Variants in HERC1 observed in about 807,000 individuals in gnomAD.
The protein encoded by HERC1 is HECT and RLD domain containing E3 ubiquitin protein ligase family member 1.
A neutral mutation model predicts 554.3 loss-of-function variants in HERC1; 160 were observed. That is an observed-to-expected ratio of 0.29 (90% CI 0.25 to 0.33). HERC1 has a LOEUF of 0.33. Among genes scored for constraint, HERC1 ranks in the 10% least tolerant of loss-of-function variants. HERC1 has a pLI of 1.00. For missense variants in HERC1, 4,919 were observed against 5,918.5 expected, an observed-to-expected ratio of 0.83 and a Z score of 5.54; for synonymous variants, 2,175 against 2,131.7, an observed-to-expected ratio of 1.02 and a Z score of -0.56.
intron 19 of HERC1, among the ~76,000 whole-genome samples, chr15:63,721,600 G>A (rs1204133850): frequency 6.6e-6 from 1 of 152,026 alleles, no homozygotes; most frequent in African/African-American, 2.4e-5. Flanking sequence ...TGAATAATAT[G>A]TATCTCATTT....
intron 2 of HERC1, among the ~76,000 whole-genome samples, chr15:63,766,231 T>C (rs1427334012): frequency 6.7e-6 from 1 of 149,776 alleles, no homozygotes; most frequent in Non-Finnish European, 1.5e-5. Flanking sequence ...TCCGATTAAT[T>C]TGATTAATAC....
chr15:63,676,607 T>G (rs986517792), intron 37 of HERC1, among the ~76,000 whole-genome samples: 1 of 151,970 alleles, frequency 6.6e-6, no homozygotes, highest in Non-Finnish European at 1.5e-5. Context: ...AATATAAAAA[T>G]TAGCCGGGCA....
At chr15:63,689,035 T>C (rs1450722515) in intron 33 of HERC1, among the ~76,000 whole-genome samples, 1 of 152,174 alleles carries the variant, frequency 6.6e-6, no homozygotes. Flanking sequence ...GATCAAACTC[T>C]GTGGAACACC....
intron 8 of HERC1, among the ~76,000 whole-genome samples, chr15:63,751,284 T>C (rs2075235277): frequency 6.6e-6 from 1 of 152,206 alleles, no homozygotes; most frequent in Non-Finnish European, 1.5e-5. Flanking sequence ...TTTCTGAAGG[T>C]ATTCAGTACA....
chr15:63,730,777 C>T (rs1014114412), intron 14 of HERC1, among the ~76,000 whole-genome samples: 1 of 152,176 alleles, frequency 6.6e-6, no homozygotes, highest in Admixed American at 6.5e-5. Context: ...AGAGAGAGAA[C>T]AAATTTGGCT....
rs1176404253 is a variant in HERC1, at chr15:63,638,732, A to G, written c.11946T>C (p.Ser3982=). Residue 3982 remains serine, a synonymous_variant, in exon 62 of 78, where the codon TCT becomes TCC. Coordinates refer to ENST00000443617, the MANE Select transcript of HERC1 (RefSeq NM_003922.4). The part of the protein sequence containing the change: ...WINGMDEQIM[S]WATSRPEDWH... ...TGACCTCAGGTCTGGAAGTTGCCCA[A>G]GACATAATTTGTTCATCCATGCCGT... is the stretch of plus-strand genomic sequence containing the variant. 1 of 1,613,566 alleles carries G rather than the reference A, an allele frequency of 6.2e-7. No homozygotes were observed. The highest frequency in any genetic ancestry group is 8.5e-7 in the Non-Finnish European group (1 of 1,179,498).
Position 63,692,531 on chromosome 15 carries a change from G to T in HERC1, c.5710C>A (p.Leu1904Ile). ...LRKQHAAELHLGDFLVFLRRV... is the reference protein window; with the variant it reads ...LRKQHAAELHIGDFLVFLRRV... ...CGAAGAAAAACTAAAAAATCCCCTA[G>T]ATGGAGTTCGGCTGCATGTTGTTTC... The change falls in exon 31 of 78, where the codon CTA (leucine) becomes ATA (isoleucine). Residue 1904 changes from leucine (L) to isoleucine (I), a missense_variant. Around this residue, in one of 11 missense-constraint regions of HERC1, gnomAD observed 1,121 missense variants for 1,244.0 expected, o/e 0.90. Transcript: ENST00000443617. This position sits in a 1 kb window ranked among gnomAD's most constrained non-coding sequence, Gnocchi z 4.7. The T allele has an allele frequency of 6.2e-7, 1 of 1,612,108 alleles. No individual in the cohort carries two copies. The highest frequency in any genetic ancestry group is 8.5e-7 in the Non-Finnish European group (1 of 1,179,368).
Position 63,626,002 on chromosome 15 carries a change from G to C in HERC1, c.13258C>G (p.Leu4420Val). ...TCTGTTACCTGGTTGTTGGGGCTAA[G>C]GTTCAGCAGTCTCCAGGATGAGTAC... ...LMYSSWRLLN[L>V]SPNNQNSTSH... is the part of the protein sequence containing the mutation. The change falls in exon 71 of 78, where the codon CTT becomes GTT. Residue 4420 changes from leucine (L) to valine (V), a missense_variant. Coordinates refer to ENST00000443617, the MANE Select transcript of HERC1 (RefSeq NM_003922.4). 1 of 1,610,544 alleles carries C rather than the reference G, an allele frequency of 6.2e-7. No homozygotes were observed. The highest frequency in any genetic ancestry group is 1.1e-5 in the South Asian group (1 of 90,232).
At chr15:63,646,311 G>C (rs1206404353) in intron 55 of HERC1, among the ~76,000 whole-genome samples, 2 of 152,098 alleles carry the variant, frequency 1.3e-5, no homozygotes, top group South Asian at 4.1e-4. Flanking sequence ...ATTTGAACAG[G>C]AGGTATTACC....
intron 7 of HERC1, 98 bp downstream of exon 7, chr15:63,754,407 T>A: frequency 1.3e-6 from 1 of 775,416 alleles, no homozygotes. Flanking sequence ...CTCATCTGTA[T>A]TTGAGTCATT....
chr15:63,818,890 A>T (rs1012313829), intron 1 of HERC1, among the ~76,000 whole-genome samples: 1 of 151,466 alleles, frequency 6.6e-6, no homozygotes, highest in Non-Finnish European at 1.5e-5. Flanking sequence ...GCAGCCTACT[A>T]GTAGGTTTTA....
chr15:63,746,992 C>G lies in HERC1; in HGVS notation c.2446G>C (p.Gly816Arg). ...LAGGVATSIL[G>R]RQAGPLRNLL... The stretch of plus-strand genomic sequence containing the variant: ...TTTCGAAGTGGACCTGCCTGCCTCC[C>G]GAGAATGCTGGTAGCTACCCCTCCC... The change falls in exon 12 of 78, where the codon GGG (glycine) becomes CGG (arginine). Residue 816 changes from glycine to arginine, a missense_variant. Gly to Arg is a moderately radical substitution (Grantham distance 125). Around this residue, in one of 11 missense-constraint regions of HERC1, gnomAD observed 744 missense variants for 1,090.0 expected, o/e 0.68. Coordinates refer to ENST00000443617, the MANE Select transcript of HERC1 (RefSeq NM_003922.4). The G allele has an allele frequency of 1.3e-6, 2 of 1,570,872 alleles. No homozygotes were observed. The highest frequency in any genetic ancestry group is 1.7e-6 in the Non-Finnish European group (2 of 1,158,188).
chr15:63,683,552 A>G (rs1377822054), intron 34 of HERC1, among the ~76,000 whole-genome samples: 1 of 152,228 alleles, frequency 6.6e-6, no homozygotes, highest in African/African-American at 2.4e-5. Flanking sequence ...GAGTGGGTCA[A>G]TCTGGACTCC....
chr15:63,616,849 G>A, intron 74 of HERC1, 167 bp from the exon 75 acceptor site: 1 of 634,676 alleles, frequency 1.6e-6, no homozygotes. Context: ...CAGTTCTTCG[G>A]CTTCCCTAAT....
At position 63,725,280 on chromosome 15, in the gene HERC1, G is replaced by A. The variant is rs745561829; in HGVS notation, c.3568+12C>T. On this transcript the variant is annotated intron_variant, in intron 18 of 77. Transcript: ENST00000443617. ...AGGCATGTATTTTAAATGCTGCAGA[G>A]AAGCACATTACCCAATTGAGGAGTG... is the stretch of plus-strand genomic sequence containing the variant. The A allele has an allele frequency of 1.2e-6, 2 of 1,607,820 alleles. No homozygotes were observed. Among genetic ancestry groups the A allele is most frequent in the East Asian group, 4.5e-5 (2 of 44,812 alleles).
At position 63,692,107 on chromosome 15, in the gene HERC1, C is replaced by G. The variant is rs776915987; in HGVS notation, c.5830+304G>C. ...ATAATCCAAGAAGCAAGGTCGGAAT[C>G]TGTGCTAAAATATCGTATTAAACAG... On this transcript the variant is annotated intron_variant, in intron 31 of 77. Transcript: ENST00000443617. The surrounding 1 kb of genome is among the most constrained non-coding windows in gnomAD (Gnocchi z 4.7). Among the ~76,000 whole-genome samples the G allele has an allele frequency of 9.2e-5, 14 of 152,212 alleles. No individual in the cohort carries two copies. The highest frequency in any genetic ancestry group is 1.3e-4 in the Admixed American group (2 of 15,282).
rs1478715187 is a variant in HERC1 at position 63,749,326 on chromosome 15, TG to T, written c.2219+40del. The stretch of plus-strand genomic sequence containing the variant: ...TGTTTCTACTTTTTATTGGTGTTTA[TG>T]TTAAAACACACAAGAATTTTTAAAC... On this transcript the variant is annotated intron_variant, in intron 10 of 77. Transcript: ENST00000443617. This position sits in a 1 kb window ranked among gnomAD's most constrained non-coding sequence, Gnocchi z 4.1. 6.8e-7 allele frequency: 1 copy of T among 1,471,470 alleles called. No homozygotes were observed. Among genetic ancestry groups the T allele is most frequent in the Non-Finnish European group, 9.2e-7 (1 of 1,085,948 alleles). The allele number at this position is 1,471,470 out of a possible 1,614,324, so 91.2% of individuals were successfully genotyped here. A position where few individuals can be genotyped will look rare whatever the true frequency, so the allele number is the denominator to read the frequency against.
At chr15:63,706,298 A>G (rs1326904328) in intron 25 of HERC1, among the ~76,000 whole-genome samples, 2 of 152,082 alleles carry the variant, frequency 1.3e-5, no homozygotes, top group South Asian at 2.1e-4. Context: ...CATCTCTTAC[A>G]TGCTTTATCT....
At position 63,831,971 on chromosome 15, in the gene HERC1, AATG is replaced by A. The variant is rs2078170763; in HGVS notation, c.-27+1853_-27+1855del. Among the ~76,000 whole-genome samples, 3 of 152,218 alleles carry A rather than the reference AATG, an allele frequency of 2.0e-5. No individual in the cohort carries two copies. The South Asian group carries it at 6.2e-4, about 32-fold the overall frequency. ...GCATGACTGGAAATTTAAGAAGCAA[AATG>A]ATAAGAACCTTAGGGAACGCAAAAT... On this transcript the variant is annotated intron_variant, in intron 1 of 77. Coordinates refer to ENST00000443617, the MANE Select transcript of HERC1 (RefSeq NM_003922.4).
Sources: gnomAD v4.1 joint callset for allele counts (sites outside exome capture counted in the v4.1 genomes callset) on GRCh38, gnomAD v4.1.1 for gene constraint, gnomAD v4.1.1 regional missense constraint, Gnocchi (gnomAD v3.1) non-coding constraint, MANE v1.5 for transcripts, NCBI Gene and HGNC (gene_info 2026-07-23, HGNC 2026-07-21) for gene names.